The following THSD7B variants were observed in gnomAD, a reference collection of about 807,000 sequenced individuals.
The protein encoded by THSD7B is thrombospondin type 1 domain containing 7B.
In THSD7B, 138 loss-of-function variants were observed where a neutral mutation model predicts 213.6. The observed-to-expected ratio is 0.65, with a 90% CI of 0.56 to 0.74. The LOEUF is 0.74. Among genes scored for constraint, THSD7B ranks in the 30% least tolerant of loss-of-function variants. The pLI, the probability that THSD7B is intolerant of heterozygous loss-of-function variation, is 0.00. For synonymous variants in THSD7B, 742 were observed against 687.0 expected, an observed-to-expected ratio of 1.08 and a Z score of -1.25; for missense variants, 1,931 against 1,991.5, an observed-to-expected ratio of 0.97 and a Z score of 0.58.
At chr2:137,227,609 A>G (rs1681538528) in intron 7 of THSD7B, among the ~76,000 whole-genome samples, 1 of 152,268 alleles carries the variant, frequency 6.6e-6, no homozygotes, top group East Asian at 1.9e-4. Flanking sequence ...TGTCTGCACA[A>G]TGGGAAGATA....
rs554843679 is a variant in THSD7B, at chr2:137,201,193, T to C, written c.1724-29851T>C. Among the ~76,000 whole-genome samples the C allele has an allele frequency of 4.6e-5, 7 of 152,290 alleles. No homozygotes were observed. The South Asian group carries it at 6.2e-4, about 14-fold the overall frequency. ...CCATTTTGATGGCCATTTTAGTGTGTGTCTTTGTTACATTTAACCCTTAGT... is the reference window on the plus strand; with the variant it reads ...CCATTTTGATGGCCATTTTAGTGTGCGTCTTTGTTACATTTAACCCTTAGT... On this transcript the variant is annotated intron_variant, in intron 7 of 27. Transcript: ENST00000409968.
chr2:137,465,763 C>G (rs1687980330), intron 15 of THSD7B, among the ~76,000 whole-genome samples: 1 of 152,062 alleles, frequency 6.6e-6, no homozygotes, highest in Non-Finnish European at 1.5e-5. Context: ...CTGGCTTCAT[C>G]CTCTAATATT....
intron 12 of THSD7B, among the ~76,000 whole-genome samples, chr2:137,331,648 T>C (rs1373611788): frequency 6.6e-6 from 1 of 152,066 alleles, no homozygotes; most frequent in Non-Finnish European, 1.5e-5. Flanking sequence ...CTGGGCGCTG[T>C]GGAGCAGGGG....
At chr2:137,549,749 T>C (rs553728125) in intron 15 of THSD7B, among the ~76,000 whole-genome samples, 54 of 152,182 alleles carry the variant, frequency 3.5e-4, no homozygotes, top group Non-Finnish European at 6.6e-4. Context: ...AGTTTGACTA[T>C]TTTAGATACC....
At chr2:136,800,729 A>G (rs1369982916) in intron 1 of THSD7B, among the ~76,000 whole-genome samples, 4 of 151,734 alleles carry the variant, frequency 2.6e-5, no homozygotes, top group Admixed American at 6.6e-5. Context: ...ATTTGGAATG[A>G]TGGGTCAAGC....
intron 20 of THSD7B, among the ~76,000 whole-genome samples, chr2:137,623,865 T>G (rs1310104391): frequency 3.3e-5 from 5 of 152,142 alleles, no homozygotes; most frequent in East Asian, 3.9e-4. Context: ...CATGCTAATG[T>G]GTAGGAAGAA....
chr2:137,142,005 G>A (rs1230529455), intron 5 of THSD7B, among the ~76,000 whole-genome samples: 8 of 152,026 alleles, frequency 5.3e-5, no homozygotes, highest in Admixed American at 3.9e-4. Context: ...TATGACACTC[G>A]ATACTTTGAT....
chr2:137,181,715 A>G (rs1680458904), intron 7 of THSD7B, among the ~76,000 whole-genome samples: 1 of 152,056 alleles, frequency 6.6e-6, no homozygotes, highest in African/African-American at 2.4e-5. Flanking sequence ...CCTGCAATTA[A>G]TGATATGTAG....
At chr2:137,277,030 A>G (rs1682891617) in intron 12 of THSD7B, among the ~76,000 whole-genome samples, 1 of 152,046 alleles carries the variant, frequency 6.6e-6, no homozygotes. Context: ...GTAATAATAT[A>G]TTGTTATTTT....
intron 5 of THSD7B, among the ~76,000 whole-genome samples, chr2:137,125,383 C>T (rs770786764): frequency 6.6e-6 from 1 of 152,178 alleles, no homozygotes; most frequent in Non-Finnish European, 1.5e-5. Context: ...GCATCTTCAC[C>T]AGGAGTAGCT....
intron 4 of THSD7B, among the ~76,000 whole-genome samples, chr2:137,112,545 T>C (rs568582969): frequency 6.6e-6 from 1 of 152,344 alleles, no homozygotes; most frequent in South Asian, 2.1e-4. Flanking sequence ...AATTTCTCCA[T>C]TGCTATTTCT....
intron 1 of THSD7B, among the ~76,000 whole-genome samples, chr2:136,871,704 C>T (rs1683434991): frequency 6.6e-6 from 1 of 152,136 alleles, no homozygotes. Context: ...AAAGAAGCCG[C>T]ATAAGTAAGT....
intron 2 of THSD7B, among the ~76,000 whole-genome samples, chr2:136,890,348 T>C (rs1391141115): frequency 0.25 from 1,620 of 6,494 alleles, 32 homozygotes; most frequent in Middle Eastern, 0.5. Context: ...TTCTTCTTCT[T>C]CTTCTTCTTC....
At chr2:137,039,781 C>A (rs1686846763) in intron 2 of THSD7B, among the ~76,000 whole-genome samples, 1 of 152,232 alleles carries the variant, frequency 6.6e-6, no homozygotes, top group Non-Finnish European at 1.5e-5. Flanking sequence ...TTTCTACAAA[C>A]TTGCTTCCCC....
intron 16 of THSD7B, among the ~76,000 whole-genome samples, chr2:137,567,131 CTCTAT>C (rs1428436990): frequency 3.0e-5 from 4 of 131,928 alleles, no homozygotes; most frequent in East Asian, 2.2e-4. Context: ...GAGTGACATG[CTCTAT>C]TTTATTTTAT....
chr2:137,446,421 C>T (rs72979660), intron 14 of THSD7B, among the ~76,000 whole-genome samples: 7,041 of 152,062 alleles, frequency 0.046, 495 homozygotes, highest in African/African-American at 0.15. Flanking sequence ...TTCCAAGTCT[C>T]TGGGCTTCAA....
intron 3 of THSD7B, among the ~76,000 whole-genome samples, chr2:137,093,667 C>T (rs1253492944): frequency 3.3e-5 from 5 of 152,168 alleles, no homozygotes; most frequent in Admixed American, 3.3e-4. Flanking sequence ...ACCCTTCTGC[C>T]TTACCGGGGG....
intron 1 of THSD7B, among the ~76,000 whole-genome samples, chr2:136,769,997 G>T (rs1035239601): frequency 6.6e-6 from 1 of 152,146 alleles, no homozygotes; most frequent in African/African-American, 2.4e-5. Context: ...ATGCACAAAC[G>T]ATTTTTCAAT....
At chr2:137,110,424 G>GA (rs1688327420) in intron 4 of THSD7B, among the ~76,000 whole-genome samples, 1 of 152,126 alleles carries the variant, frequency 6.6e-6, no homozygotes, top group Non-Finnish European at 1.5e-5. Flanking sequence ...TATCTTAACT[G>GA]AAATGTTCTT....
Sources: allele counts gnomAD v4.1 joint callset (sites outside exome capture counted in the v4.1 genomes callset), GRCh38; gene constraint gnomAD v4.1.1; transcripts MANE v1.5; gene names NCBI Gene and HGNC (gene_info 2026-07-23, HGNC 2026-07-21).